Variants in PDPR observed in about 807,000 individuals in gnomAD.
PDPR encodes the protein pyruvate dehydrogenase phosphatase regulatory subunit, mitochondrial.
A neutral mutation model predicts 102.2 loss-of-function variants in PDPR; 50 were observed. The observed-to-expected ratio is 0.49, with a 90% confidence interval of 0.39 to 0.62. The LOEUF (loss-of-function observed/expected upper bound fraction) is 0.62, where lower values mean the gene tolerates loss of function less well. Among genes scored for constraint, PDPR ranks in the 20% least tolerant of loss-of-function variants. The pLI is 0.00. For missense variants in PDPR, 625 were observed against 1,098.2 expected, an observed-to-expected ratio of 0.57 and a Z score of 6.09; for synonymous variants, 259 against 406.0, an observed-to-expected ratio of 0.64 and a Z score of 4.35.
At chr16:70,125,757 C>T (rs1342954629) in intron 3 of PDPR, among the ~76,000 whole-genome samples, 1 of 152,140 alleles carries the variant, frequency 6.6e-6, no homozygotes, top group Non-Finnish European at 1.5e-5. Flanking sequence ...CCTCAGCCTT[C>T]TGAATAGCTG....
At chr16:70,141,566 G>A (rs991166808) in intron 11 of PDPR, among the ~76,000 whole-genome samples, 38 of 152,250 alleles carry the variant, frequency 2.5e-4, no homozygotes, top group African/African-American at 8.9e-4. Context: ...TTCACATTTT[G>A]TTACCACCTG....
intron 18 of PDPR, 109 bp from the exon 19 acceptor site, chr16:70,156,366 G>A: frequency 1.5e-6 from 2 of 1,333,976 alleles, no homozygotes; most frequent in Non-Finnish European, 1.0e-6. Context: ...GTGGGAGGAG[G>A]CGGCTGTGCC....
chr16:70,138,521 A>G (rs865918044), intron 10 of PDPR, among the ~76,000 whole-genome samples: 1 of 150,188 alleles, frequency 6.7e-6, no homozygotes, highest in African/African-American at 2.5e-5. Flanking sequence ...TCACTTTGAA[A>G]CTTTTTTTTT....
At chr16:70,135,644 C>T (rs905037476) in intron 9 of PDPR, among the ~76,000 whole-genome samples, 1 of 152,278 alleles carries the variant, frequency 6.6e-6, no homozygotes, top group African/African-American at 2.4e-5. Flanking sequence ...ACTTGCTGTT[C>T]TCTGCTGCTT....
intron 16 of PDPR, among the ~76,000 whole-genome samples, chr16:70,146,906 A>G (rs1331185130): frequency 1.2e-5 from 1 of 81,448 alleles, no homozygotes; most frequent in Non-Finnish European, 2.5e-5. Flanking sequence ...TTAGCAAAGA[A>G]GTGACTAAGT....
intron 3 of PDPR, among the ~76,000 whole-genome samples, chr16:70,123,942 C>T (rs527250800): frequency 6.8e-4 from 104 of 152,250 alleles, no homozygotes; most frequent in Admixed American, 2.2e-3. Flanking sequence ...TTAATCTCAG[C>T]TACTCGGGAG....
At chr16:70,156,256 T>C in intron 18 of PDPR, 1 of 590,940 alleles carries the variant, frequency 1.7e-6, no homozygotes, top group East Asian at 2.9e-5. Context: ...ACAAAATGCG[T>C]ACCTCTGTTG....
intron 18 of PDPR, among the ~76,000 whole-genome samples, chr16:70,155,708 TTATTC>T (rs1410815435): frequency 2.0e-5 from 3 of 152,244 alleles, no homozygotes; most frequent in Non-Finnish European, 4.4e-5. Flanking sequence ...CGTTAATAGT[TTATTC>T]TAGTCTTATT....
chr16:70,127,848 T>G (rs1487277298), intron 4 of PDPR, among the ~76,000 whole-genome samples: 2 of 152,286 alleles, frequency 1.3e-5, no homozygotes, highest in Admixed American at 1.3e-4. Flanking sequence ...CTTGGGCCTG[T>G]GGAGTTGGCA....
intron 3 of PDPR, among the ~76,000 whole-genome samples, chr16:70,126,904 A>T (rs1252734972): frequency 2.6e-5 from 4 of 152,212 alleles, no homozygotes; most frequent in African/African-American, 7.2e-5. Flanking sequence ...GAGTGCAGAG[A>T]TGTGATCACA....
In PDPR at chr16:70,128,476, C is replaced by T. The variant is rs573641579; in HGVS notation, c.362-308C>T. On this transcript the variant is annotated intron_variant, in intron 4 of 18. Coordinates refer to ENST00000288050, the MANE Select transcript of PDPR (RefSeq NM_017990.5). ...CTACTGACCTCAGATGATCCGCCCC[C>T]CTCAGCCTCCCAAAGTGCTGCGATT... Among the ~76,000 whole-genome samples, 5 of 152,232 alleles carry T rather than the reference C, an allele frequency of 3.3e-5. No individual in the cohort carries two copies. In the East Asian group the frequency reaches 7.7e-4, roughly 23 times the overall value.
At chr16:70,122,127 C>A (rs1286668640) in intron 3 of PDPR, among the ~76,000 whole-genome samples, 18 of 152,236 alleles carry the variant, frequency 1.2e-4, no homozygotes. Context: ...GCTGGGATTA[C>A]AGGCACCCAC....
intron 9 of PDPR, among the ~76,000 whole-genome samples, chr16:70,135,824 T>G (rs1234928558): frequency 6.6e-6 from 1 of 152,256 alleles, no homozygotes; most frequent in Non-Finnish European, 1.5e-5. Context: ...TCCTAGCACT[T>G]TGGGAGGCCG....
At chr16:70,123,340 G>T (rs1389936844) in intron 3 of PDPR, among the ~76,000 whole-genome samples, 1 of 152,244 alleles carries the variant, frequency 6.6e-6, no homozygotes, top group Non-Finnish European at 1.5e-5. Flanking sequence ...GGGCTCAAGT[G>T]ATCCTCCCAC....
chr16:70,153,503 G>A lies in PDPR; in HGVS notation c.2165G>A (p.Trp722Ter). ...CGAATTGAGAAGTTTTTTGCCTTCTGGGGTCAGGATATAAATAACCTCACC... is the reference window on the plus strand; with the variant it reads ...CGAATTGAGAAGTTTTTTGCCTTCTAGGGTCAGGATATAAATAACCTCACC... ...SLRIEKFFAF[W>*]GQDINNLTTP... Residue 722 changes from tryptophan to a stop codon, truncating the protein, a stop_gained, in exon 18 of 19, where the codon TGG becomes TAG. Coordinates refer to ENST00000288050, the MANE Select transcript of PDPR (RefSeq NM_017990.5). LOFTEE classifies it high-confidence loss of function. The A allele has an allele frequency of 6.2e-7, 1 of 1,612,896 alleles. No homozygotes were observed. The highest frequency in any genetic ancestry group is 8.5e-7 in the Non-Finnish European group (1 of 1,179,518).
At chr16:70,133,278 C>T (rs1964733859) in intron 9 of PDPR, among the ~76,000 whole-genome samples, 1 of 152,040 alleles carries the variant, frequency 6.6e-6, no homozygotes, top group African/African-American at 2.4e-5. Flanking sequence ...CCTGCCACCA[C>T]TCCCGACTAA....
intron 3 of PDPR, among the ~76,000 whole-genome samples, chr16:70,121,122 T>C (rs1963221359): frequency 6.6e-6 from 1 of 151,972 alleles, no homozygotes; most frequent in Non-Finnish European, 1.5e-5. Flanking sequence ...TTTGCGTTTG[T>C]AAATAATGTG....
At chr16:70,121,475 T>G (rs1479512046) in intron 3 of PDPR, among the ~76,000 whole-genome samples, 2 of 151,542 alleles carry the variant, frequency 1.3e-5, no homozygotes, top group Non-Finnish European at 2.9e-5. Flanking sequence ...GCAGATCACC[T>G]CAGGTCAGGA....
intron 15 of PDPR, among the ~76,000 whole-genome samples, chr16:70,145,168 G>A (rs1391236905): frequency 5.9e-5 from 9 of 152,184 alleles, no homozygotes; most frequent in African/African-American, 1.4e-4. Flanking sequence ...CAGGAGAATC[G>A]CTTGAATCTG....
Sources: allele counts gnomAD v4.1 joint callset (sites outside exome capture counted in the v4.1 genomes callset), GRCh38; gene constraint gnomAD v4.1.1; transcripts MANE v1.5; gene names NCBI Gene and HGNC (gene_info 2026-07-23, HGNC 2026-07-21).